The following MGMT variants were observed in gnomAD, a reference collection of about 807,000 sequenced individuals.
MGMT encodes methylated-DNA--protein-cysteine methyltransferase.
In MGMT, 14 loss-of-function variants were observed where a neutral mutation model predicts 15.9. The observed-to-expected ratio is 0.88, with a 90% CI of 0.58 to 1.37. The LOEUF (loss-of-function observed/expected upper bound fraction) is 1.37. Ranked by LOEUF, MGMT falls within the 40% of genes most tolerant of loss-of-function variation. MGMT has a pLI of 0.00. For synonymous variants in MGMT, 130 were observed against 118.2 expected (o/e 1.10, Z -0.65); for missense variants, 282 against 268.1 (o/e 1.05, Z -0.36).
At chr10:129,685,229 C>T (rs964466737) in intron 2 of MGMT, among the ~76,000 whole-genome samples, 11 of 152,326 alleles carry the variant, frequency 7.2e-5, no homozygotes, top group East Asian at 1.9e-4. Flanking sequence ...AGAACACTTT[C>T]GCAGCTTTAA....
At chr10:129,585,404 A>G (rs1361502850) in intron 2 of MGMT, among the ~76,000 whole-genome samples, 1 of 152,198 alleles carries the variant, frequency 6.6e-6, no homozygotes, top group Non-Finnish European at 1.5e-5. Context: ...GGAATATGTT[A>G]CAAGAACACC....
intron 2 of MGMT, chr10:129,693,819 C>G (rs1429944379): frequency 6.6e-6 from 1 of 152,316 alleles, no homozygotes; most frequent in African/African-American, 2.4e-5. Context: ...AGGAGAATCA[C>G]TTGAACCCGA....
intron 2 of MGMT, chr10:129,700,165 A>T (rs573962232): frequency 2.0e-5 from 3 of 152,272 alleles, no homozygotes; most frequent in South Asian, 4.1e-4. Flanking sequence ...CGTCATCAGC[A>T]ACGGCAGCTC....
At chr10:129,538,904 G>C (rs1439977555) in intron 2 of MGMT, among the ~76,000 whole-genome samples, 2 of 152,200 alleles carry the variant, frequency 1.3e-5, no homozygotes, top group Admixed American at 6.5e-5. Context: ...AAAGTACTGG[G>C]ATTACAGGCG....
chr10:129,555,872 TG>T (rs1846207591), intron 2 of MGMT, among the ~76,000 whole-genome samples: 1 of 152,210 alleles, frequency 6.6e-6, no homozygotes, highest in Non-Finnish European at 1.5e-5. Flanking sequence ...GTCAGAGTCC[TG>T]AATGTTCTTT....
At chr10:129,749,328 T>C (rs1848728604) in intron 3 of MGMT, among the ~76,000 whole-genome samples, 2 of 152,182 alleles carry the variant, frequency 1.3e-5, no homozygotes, top group Non-Finnish European at 1.5e-5. Flanking sequence ...ACCACTTATC[T>C]TTTTTCTGTC....
intron 1 of MGMT, among the ~76,000 whole-genome samples, chr10:129,483,817 G>T (rs1845382666): frequency 6.6e-6 from 1 of 151,868 alleles, no homozygotes; most frequent in Non-Finnish European, 1.5e-5. Context: ...GGGACTAGAA[G>T]TGTTTCTGAT....
chr10:129,729,253 G>A (rs1336670328), intron 3 of MGMT, among the ~76,000 whole-genome samples: 3 of 152,150 alleles, frequency 2.0e-5, no homozygotes, highest in Non-Finnish European at 1.5e-5. Context: ...GGGCCCCACG[G>A]GCTGTGTCTG....
chr10:129,704,729 C>A (rs1848139409), intron 2 of MGMT, among the ~76,000 whole-genome samples: 2 of 152,038 alleles, frequency 1.3e-5, no homozygotes, highest in African/African-American at 2.4e-5. Flanking sequence ...TCCTGCTCCA[C>A]CGTGAAAAAC....
intron 2 of MGMT, among the ~76,000 whole-genome samples, chr10:129,646,912 T>C (rs563560743): frequency 6.6e-6 from 1 of 151,032 alleles, no homozygotes; most frequent in Non-Finnish European, 1.5e-5. Context: ...AGTGTGGGCA[T>C]GGCCGCCCCT....
chr10:129,647,576 A>G (rs907135697), intron 2 of MGMT, among the ~76,000 whole-genome samples: 3 of 152,196 alleles, frequency 2.0e-5, no homozygotes, highest in Non-Finnish European at 2.9e-5. Flanking sequence ...CAGCCAAGAG[A>G]TCCTAAACAT....
At chr10:129,623,295 C>T (rs184716412) in intron 2 of MGMT, among the ~76,000 whole-genome samples, 274 of 152,148 alleles carry the variant, frequency 1.8e-3, no homozygotes, top group African/African-American at 6.3e-3. Flanking sequence ...CTCCCTGAGC[C>T]GCGCTGAGCA....
intron 2 of MGMT, among the ~76,000 whole-genome samples, chr10:129,636,589 C>T (rs972812400): frequency 2.1e-4 from 32 of 152,194 alleles, no homozygotes; most frequent in Non-Finnish European, 4.4e-4. Flanking sequence ...TGATAATGGG[C>T]ATTCTTGTCT....
chr10:129,634,777 T>C (rs969238202), intron 2 of MGMT, among the ~76,000 whole-genome samples: 2 of 152,242 alleles, frequency 1.3e-5, no homozygotes, highest in African/African-American at 4.8e-5. Flanking sequence ...TCTGCTAATC[T>C]TAACATCTGA....
intron 2 of MGMT, among the ~76,000 whole-genome samples, chr10:129,624,750 A>G (rs1847127709): frequency 6.6e-6 from 1 of 152,254 alleles, no homozygotes; most frequent in African/African-American, 2.4e-5. Flanking sequence ...GACTCAGATG[A>G]AAATCAGAGA....
chr10:129,553,422 C>T (rs1259546096), intron 2 of MGMT, among the ~76,000 whole-genome samples: 1 of 152,188 alleles, frequency 6.6e-6, no homozygotes, highest in African/African-American at 2.4e-5. Context: ...TGAGGTGACC[C>T]TCTCTGGCCC....
At chr10:129,722,482 TTTAAA>T (rs1420116622) in intron 3 of MGMT, among the ~76,000 whole-genome samples, 1 of 152,222 alleles carries the variant, frequency 6.6e-6, no homozygotes, top group Non-Finnish European at 1.5e-5. Flanking sequence ...CAGTCACACT[TTTAAA>T]TTATTTCAAA....
intron 2 of MGMT, among the ~76,000 whole-genome samples, chr10:129,646,754 A>ATATATTTTTTTTTTTTTTTTT: frequency 1.0e-4 from 9 of 86,656 alleles, no homozygotes; most frequent in Non-Finnish European, 2.3e-4. Flanking sequence ...ATATATATAT[A>ATATATTTTTTTTTTTTTTTTT]TTTTCAGGGA....
chr10:129,668,154 A>G (rs1390314070), intron 2 of MGMT, among the ~76,000 whole-genome samples: 2 of 152,180 alleles, frequency 1.3e-5, no homozygotes, highest in East Asian at 1.9e-4. Context: ...CTCTCCCATA[A>G]GAACGTGAAG....
Sources: gnomAD v4.1 joint callset for allele counts (sites outside exome capture counted in the v4.1 genomes callset) on GRCh38, gnomAD v4.1.1 for gene constraint, MANE v1.5 for transcripts, NCBI Gene and HGNC (gene_info 2026-07-23, HGNC 2026-07-21) for gene names.